The following SLIT3 variants were observed in gnomAD, a reference collection of about 807,000 sequenced individuals.
The protein encoded by SLIT3 is slit guidance ligand 3, also known as slit homolog 3 protein.
Under a neutral mutation model 184.0 loss-of-function variants are expected in SLIT3, and 68 were observed. The ratio of observed to expected loss-of-function variants is 0.37; its 90% CI spans 0.30 to 0.45. The LOEUF is 0.45. Among genes scored for constraint, SLIT3 ranks in the 20% least tolerant of loss-of-function variants. The pLI, the probability that SLIT3 is intolerant of heterozygous loss-of-function variation, is 1.00. For synonymous variants in SLIT3, 831 were observed against 828.6 expected, an observed-to-expected ratio of 1.00 and a Z score of -0.05; for missense variants, 1,707 against 2,026.0, an observed-to-expected ratio of 0.84 and a Z score of 3.02.
At chr5:169,156,801 G>A (rs1449208002) in intron 4 of SLIT3, among the ~76,000 whole-genome samples, 1 of 152,164 alleles carries the variant, frequency 6.6e-6, no homozygotes, top group Non-Finnish European at 1.5e-5. Flanking sequence ...ATCACACTGA[G>A]TTGAATTTAA....
At chr5:169,084,560 G>C (rs1055700882) in intron 4 of SLIT3, among the ~76,000 whole-genome samples, 2 of 150,688 alleles carry the variant, frequency 1.3e-5, no homozygotes, top group African/African-American at 4.9e-5. Context: ...CATCTGCCTC[G>C]GCCTCCCAAA....
intron 4 of SLIT3, among the ~76,000 whole-genome samples, chr5:168,997,790 G>A (rs1235581230): frequency 6.6e-6 from 1 of 152,134 alleles, no homozygotes; most frequent in Non-Finnish European, 1.5e-5. Context: ...TATGACATGG[G>A]GATTCAAGTG....
intron 20 of SLIT3, 105 bp downstream of exon 20, chr5:168,748,197 C>CG: frequency 1.5e-6 from 2 of 1,299,324 alleles, no homozygotes; most frequent in Non-Finnish European, 1.0e-6. Flanking sequence ...GGTCTCCCCC[C>CG]GGCAGTTTCG....
At chr5:168,821,386 C>A (rs763359182) in intron 7 of SLIT3, among the ~76,000 whole-genome samples, 14 of 152,216 alleles carry the variant, frequency 9.2e-5, no homozygotes, top group Non-Finnish European at 1.6e-4. Context: ...CATTTTTCTT[C>A]GATGCAACCC....
chr5:169,220,704 TCTA>T (rs1229832677), intron 3 of SLIT3, among the ~76,000 whole-genome samples: 1 of 152,244 alleles, frequency 6.6e-6, no homozygotes, highest in African/African-American at 2.4e-5. Context: ...AATATGTACT[TCTA>T]CTTTCAATTT....
chr5:168,762,461 A>G (rs1191969992), intron 15 of SLIT3, 78 bp downstream of exon 15: 2 of 1,505,736 alleles, frequency 1.3e-6, no homozygotes, highest in Non-Finnish European at 1.8e-6. Context: ...GGTCACCGCC[A>G]GGAGACCCTG....
chr5:168,869,051 G>A (rs1759416972), intron 5 of SLIT3, among the ~76,000 whole-genome samples: 1 of 152,238 alleles, frequency 6.6e-6, no homozygotes, highest in Non-Finnish European at 1.5e-5. Flanking sequence ...GAGGGGACCT[G>A]TCACTCTGGT....
rs1308284079 is a variant in SLIT3 at position 168,806,631 on chromosome 5, AG to A, written c.794-45del. ...ACGGTCAACTTATGTCAGTGTCAGGAGCTGCCTGGGCTTCTGTGTCCTTAAC... is the reference window on the plus strand; with the variant it reads ...ACGGTCAACTTATGTCAGTGTCAGGACTGCCTGGGCTTCTGTGTCCTTAAC... On this transcript the variant is annotated intron_variant, in intron 8 of 35. Transcript: ENST00000519560. 5 of 1,609,990 alleles carry A rather than the reference AG, an allele frequency of 3.1e-6. 1 individual carries two copies. The highest frequency in any genetic ancestry group is 4.2e-6 in the Non-Finnish European group (5 of 1,177,088).
intron 19 of SLIT3, 124 bp downstream of exon 19, chr5:168,749,348 G>T: frequency 1.8e-6 from 2 of 1,121,010 alleles, no homozygotes; most frequent in South Asian, 1.4e-5. Flanking sequence ...GCTCTCCAGA[G>T]CTCCAGCTGC....
At chr5:168,774,504 T>C (rs1700231374) in intron 12 of SLIT3, 126 bp from the exon 13 acceptor site, 1 of 1,021,480 alleles carries the variant, frequency 9.8e-7, no homozygotes, top group Admixed American at 2.4e-5. Flanking sequence ...GAGCTCCTGC[T>C]GCAGAACAGA....
chr5:168,753,738 G>A, intron 17 of SLIT3, 126 bp downstream of exon 17: 1 of 1,141,404 alleles, frequency 8.8e-7, no homozygotes, highest in Non-Finnish European at 1.2e-6. Flanking sequence ...TCTGACTCCA[G>A]GAAGAGAGGG....
chr5:169,155,818 C>T (rs1179126880), intron 4 of SLIT3, among the ~76,000 whole-genome samples: 1 of 152,184 alleles, frequency 6.6e-6, no homozygotes, highest in East Asian at 1.9e-4. Context: ...GTTGCCTGTG[C>T]ACCCTGGTTA....
intron 4 of SLIT3, among the ~76,000 whole-genome samples, chr5:168,941,264 A>G (rs1417162928): frequency 6.6e-6 from 1 of 152,128 alleles, no homozygotes; most frequent in African/African-American, 2.4e-5. Flanking sequence ...GAAATCAAAG[A>G]TATTAGGGCC....
intron 4 of SLIT3, among the ~76,000 whole-genome samples, chr5:169,102,078 A>G (rs1288844917): frequency 2.6e-5 from 4 of 152,230 alleles, no homozygotes; most frequent in Admixed American, 6.5e-5. Context: ...CACCTAACCA[A>G]TGAATATTCA....
chr5:168,871,356 T>G lies in SLIT3; in HGVS notation c.485+11909A>C, dbSNP rs573648870. Among the ~76,000 whole-genome samples, 16 of 152,292 alleles carry G rather than the reference T, an allele frequency of 1.1e-4. No homozygotes were observed. The South Asian group carries it at 3.3e-3, about 32-fold the overall frequency. ...TACATTAGAGTTTAGGATGTAGGCA[T>G]TTTTAGAAGAGCCATTTTTCAGCCT... On this transcript the variant is annotated intron_variant, in intron 5 of 35. Coordinates refer to ENST00000519560, the MANE Select transcript of SLIT3 (RefSeq NM_003062.4).
At chr5:169,178,683 C>T (rs1247403438) in intron 4 of SLIT3, among the ~76,000 whole-genome samples, 1 of 152,064 alleles carries the variant, frequency 6.6e-6, no homozygotes, top group African/African-American at 2.4e-5. Context: ...TGCTGTTATC[C>T]TTTCTTCCTT....
intron 11 of SLIT3, among the ~76,000 whole-genome samples, chr5:168,786,572 G>A (rs772043699): frequency 7.2e-5 from 11 of 152,168 alleles, no homozygotes; most frequent in South Asian, 2.1e-4. Context: ...CTTTCTATCC[G>A]CTTTTCCTAT....
intron 20 of SLIT3, among the ~76,000 whole-genome samples, chr5:168,728,154 T>TGACCACCTCAGTG (rs934874942): frequency 3.3e-5 from 5 of 151,942 alleles, no homozygotes; most frequent in African/African-American, 9.7e-5. Flanking sequence ...CTAATAATGG[T>TGACCACCTCAGTG]ACCCTAAGTC....
At chr5:168,848,267 T>C (rs918756672) in intron 5 of SLIT3, among the ~76,000 whole-genome samples, 3 of 152,216 alleles carry the variant, frequency 2.0e-5, no homozygotes, top group African/African-American at 4.8e-5. Flanking sequence ...GTGGCCCTTC[T>C]AGTGACGACA....
Sources: allele counts gnomAD v4.1 joint callset (sites outside exome capture counted in the v4.1 genomes callset), GRCh38; gene constraint gnomAD v4.1.1; transcripts MANE v1.5; gene names NCBI Gene and HGNC (gene_info 2026-07-23, HGNC 2026-07-21).